NXPE4: variants seen among roughly 807,000 people sequenced by gnomAD.
NXPE4 encodes the protein neurexophilin and PC-esterase domain family member 4, also known as NXPE family member 4.
NXPE4 carries 42 observed loss-of-function variants against 33.3 expected under a neutral mutation model. The observed-to-expected ratio is 1.26, with a 90% CI of 0.98 to 1.63. NXPE4 has a LOEUF of 1.63. Among genes scored for constraint, NXPE4 ranks in the 40% most tolerant of loss-of-function variants. The pLI, the probability that NXPE4 is intolerant of heterozygous loss-of-function variation, is 0.00. For synonymous variants in NXPE4, 253 were observed against 234.9 expected, an observed-to-expected ratio of 1.08 and a Z score of -0.71; for missense variants, 709 against 647.6, an observed-to-expected ratio of 1.09 and a Z score of -1.03.
At chr11:114,613,627 C>T in the NXPE4 span, among the ~76,000 whole-genome samples, 2 of 152,002 alleles carry the variant, frequency 1.3e-5, no homozygotes, top group Middle Eastern at 3.4e-3. Context: ...CACTGTTACA[C>T]ACTGGATAAC....
chr11:114,600,354 C>G (rs11603845), upstream of NXPE4, among the ~76,000 whole-genome samples: 1 of 151,878 alleles, frequency 6.6e-6, no homozygotes, highest in Admixed American at 6.6e-5. Flanking sequence ...CAAATTGAAA[C>G]AAAAATAGTT....
chr11:114,639,112 G>C, the NXPE4 span, among the ~76,000 whole-genome samples: 17 of 152,160 alleles, frequency 1.1e-4, no homozygotes, highest in Admixed American at 1.1e-3. Context: ...AGCTGTGGTG[G>C]GCTCCACCCA....
chr11:114,581,690 A>G lies in NXPE4; in HGVS notation c.892+35T>C, dbSNP rs112956057. On this transcript the variant is annotated intron_variant, in intron 4 of 5. Coordinates refer to ENST00000375478, the MANE Select transcript of NXPE4 (RefSeq NM_001077639.2). ...AAGAAACCCTTTAAATGGGTCTAGA[A>G]CTAGGCACCACCCACCAAACACAGG... The G allele has an allele frequency of 3.4e-4, 531 of 1,543,382 alleles. 2 individuals are homozygous for G. In the African/African-American group the frequency reaches 6.3e-3, roughly 18 times the overall value.
chr11:114,660,800 C>A, the NXPE4 span, among the ~76,000 whole-genome samples: 1 of 152,014 alleles, frequency 6.6e-6, no homozygotes, highest in African/African-American at 2.4e-5. Context: ...AAGGAAAATA[C>A]AACTACATAT....
chr11:114,650,017 C>T, the NXPE4 span, among the ~76,000 whole-genome samples: 1 of 152,198 alleles, frequency 6.6e-6, no homozygotes, highest in Non-Finnish European at 1.5e-5. Flanking sequence ...ATAAAGATTT[C>T]TGTTTCTACA....
At chr11:114,640,126 TA>T in the NXPE4 span, among the ~76,000 whole-genome samples, 1 of 121,512 alleles carries the variant, frequency 8.2e-6, no homozygotes, top group African/African-American at 3.3e-5. Flanking sequence ...ATGTTATATG[TA>T]ATATATTATA....
the NXPE4 span, among the ~76,000 whole-genome samples, chr11:114,635,081 T>C: frequency 2.0e-5 from 3 of 151,890 alleles, no homozygotes; most frequent in African/African-American, 4.8e-5. Context: ...CGATATTGAT[T>C]CTTCCTACCC....
At chr11:114,584,567 A>T (rs924527504) in intron 2 of NXPE4, 1 of 165,468 alleles carries the variant, frequency 6.0e-6, no homozygotes. Context: ...CCATCTTCAA[A>T]AAAGCCAAGA....
chr11:114,651,754 T>C, the NXPE4 span, among the ~76,000 whole-genome samples: 1 of 152,186 alleles, frequency 6.6e-6, no homozygotes. Flanking sequence ...TGGTGTGTTT[T>C]TACAGAGTGC....
the NXPE4 span, among the ~76,000 whole-genome samples, chr11:114,644,165 T>C: frequency 6.6e-6 from 1 of 152,176 alleles, no homozygotes; most frequent in African/African-American, 2.4e-5. Context: ...GCTGAGATGA[T>C]GGGGTTTTCT....
chr11:114,608,814 G>T, the NXPE4 span, among the ~76,000 whole-genome samples: 1 of 151,758 alleles, frequency 6.6e-6, no homozygotes, highest in Non-Finnish European at 1.5e-5. Flanking sequence ...TTGCCTCGTG[G>T]GTAAGCACTG....
the NXPE4 span, among the ~76,000 whole-genome samples, chr11:114,601,690 A>AT: frequency 6.8e-4 from 22 of 32,458 alleles, 2 homozygotes; most frequent in Admixed American, 0.011. Flanking sequence ...TAGATTATAT[A>AT]TATTTATAAT....
the NXPE4 span, among the ~76,000 whole-genome samples, chr11:114,619,718 T>C: frequency 6.7e-6 from 1 of 150,354 alleles, no homozygotes; most frequent in African/African-American, 2.5e-5. Context: ...TCTTGAGTAA[T>C]CACTGTTACC....
At chr11:114,594,264 T>G (rs1949527930) in intron 2 of NXPE4, among the ~76,000 whole-genome samples, 1 of 152,188 alleles carries the variant, frequency 6.6e-6, no homozygotes, top group Non-Finnish European at 1.5e-5. Context: ...CTATGTATTA[T>G]ATGCTTGTAT....
rs774540411 is a variant in NXPE4 at position 114,571,204 on chromosome 11, C to T, written c.1369G>A (p.Ala457Thr). Residue 457 changes from alanine (A) to threonine (T), a missense_variant, in exon 6 of 6, where the codon GCC becomes ACC. Ala to Thr is a moderately conservative substitution (Grantham distance 58, BLOSUM62 0). Transcript: ENST00000375478. ...CTTCTCAGAAGAAGATGCTGAATGG[C>T]TTTGTGGACATTGAGGGCCCTTCGG... is the stretch of plus-strand genomic sequence containing the variant. ...FIRRALNVHK[A>T]IQHLLLRSPD... 13 of 1,613,860 alleles carry T rather than the reference C, an allele frequency of 8.1e-6. No homozygotes were observed. Among genetic ancestry groups the T allele is most frequent in the Non-Finnish European group, 1.0e-5 (12 of 1,179,948 alleles).
At chr11:114,664,562 A>G in the NXPE4 span, among the ~76,000 whole-genome samples, 1 of 152,186 alleles carries the variant, frequency 6.6e-6, no homozygotes, top group Admixed American at 6.6e-5. Flanking sequence ...ACTGTTCTGC[A>G]CACACAGAAG....
intron 2 of NXPE4, chr11:114,584,181 A>T (rs1229915005): frequency 3.0e-6 from 1 of 330,254 alleles, no homozygotes; most frequent in Non-Finnish European, 6.0e-6. Context: ...AATGTTGCTC[A>T]GTGCCCTGGA....
chr11:114,596,934 G>C (rs1047795161), upstream of NXPE4, among the ~76,000 whole-genome samples: 1 of 152,166 alleles, frequency 6.6e-6, no homozygotes, highest in Non-Finnish European at 1.5e-5. Flanking sequence ...ATTTGTGCAG[G>C]TCATCTGATG....
At chr11:114,614,941 G>T in the NXPE4 span, among the ~76,000 whole-genome samples, 3 of 151,602 alleles carry the variant, frequency 2.0e-5, no homozygotes, top group African/African-American at 4.8e-5. Flanking sequence ...TGCCTCTTGG[G>T]TTACCACTGT....
Sources: gnomAD v4.1 joint callset for allele counts (sites outside exome capture counted in the v4.1 genomes callset) on GRCh38, gnomAD v4.1.1 for gene constraint, MANE v1.5 for transcripts, NCBI Gene and HGNC (gene_info 2026-07-23, HGNC 2026-07-21) for gene names.